Variants in DSC3 observed in about 807,000 individuals in gnomAD.
DSC3 encodes desmocollin 3.
Under a neutral mutation model 89.5 loss-of-function variants are expected in DSC3, and 97 were observed. The ratio of observed to expected loss-of-function variants is 1.08; its 90% CI spans 0.92 to 1.28. The LOEUF (loss-of-function observed/expected upper bound fraction) is 1.28, where lower values mean the gene tolerates loss of function less well. Among genes scored for constraint, DSC3 ranks in the 50% most tolerant of loss-of-function variants. The probability of loss-of-function intolerance (pLI) is 0.00; values close to 1 mark genes in which losing one functional copy is unlikely to be tolerated. For missense variants in DSC3, 1,199 were observed against 1,085.3 expected (o/e 1.10, Z -1.47); for synonymous variants, 436 against 384.1 (o/e 1.14, Z -1.58).
intron 15 of DSC3, among the ~76,000 whole-genome samples, chr18:30,995,945 C>G (rs1221579746): frequency 7.7e-6 from 1 of 130,492 alleles, no homozygotes; most frequent in Non-Finnish European, 1.5e-5. Context: ...GAACTCCAGC[C>G]TCAGCGACAG....
intron 4 of DSC3, among the ~76,000 whole-genome samples, chr18:31,027,305 G>A (rs538326219): frequency 6.6e-4 from 100 of 152,180 alleles, no homozygotes; most frequent in Middle Eastern, 3.4e-3. Context: ...GAACAAGATT[G>A]GAATGCCAAA....
At chr18:31,003,990 T>G in intron 13 of DSC3, 152 bp downstream of exon 13, 1 of 620,044 alleles carries the variant, frequency 1.6e-6, no homozygotes, top group Non-Finnish European at 2.8e-6. Context: ...TCACAGAAAA[T>G]ATTCAAACAC....
chr18:30,998,030 T>C (rs1346311244), intron 14 of DSC3, among the ~76,000 whole-genome samples: 1 of 152,202 alleles, frequency 6.6e-6, no homozygotes, highest in Non-Finnish European at 1.5e-5. Context: ...AAAAATAGAC[T>C]TTATTATGAA....
Position 31,041,549 on chromosome 18 carries a change from C to G in DSC3, c.69+1043G>C, listed in dbSNP as rs1468725630. 2.0e-5 allele frequency among the ~76,000 whole-genome samples: 3 copies of G among 152,296 alleles called. No individual in the cohort carries two copies. The South Asian group carries it at 6.2e-4, about 32-fold the overall frequency. ...CGCGAGACCAGACTCGGCTCACTGC[C>G]GACGCGGGTATAGACCTCGCTCCCA... On this transcript the variant is annotated intron_variant, in intron 1 of 15. Coordinates refer to ENST00000360428, the MANE Select transcript of DSC3 (RefSeq NM_001941.5).
intron 4 of DSC3, 94 bp downstream of exon 4, chr18:31,029,415 C>G (rs1985704965): frequency 6.7e-7 from 1 of 1,485,428 alleles, no homozygotes; most frequent in Non-Finnish European, 9.3e-7. Flanking sequence ...TTAATCAGAT[C>G]TGTTTATTTT....
intron 9 of DSC3, among the ~76,000 whole-genome samples, chr18:31,014,443 G>T (rs138792583): frequency 2.0e-5 from 3 of 151,886 alleles, no homozygotes; most frequent in Admixed American, 6.6e-5. Context: ...AAAGTGAGAC[G>T]TTTTACACCA....
At chr18:31,022,277 A>C in intron 7 of DSC3, 59 bp downstream of exon 7, 1 of 1,598,078 alleles carries the variant, frequency 6.3e-7, no homozygotes, top group Non-Finnish European at 8.6e-7. Context: ...AGTTATAATA[A>C]ATGGGGGAGG....
At position 31,038,395 on chromosome 18, in the gene DSC3, G is replaced by C. The variant is rs1324924330; in HGVS notation, c.69+4197C>G. ...TATTTAATGGTTACAGGTCTATTTA[G>C]ATTTTGTATACCTCCTCAAGTCAAT... On this transcript the variant is annotated intron_variant, in intron 1 of 15. Coordinates refer to ENST00000360428, the MANE Select transcript of DSC3 (RefSeq NM_001941.5). Among the ~76,000 whole-genome samples the C allele has an allele frequency of 2.0e-5, 3 of 152,246 alleles. No homozygotes were observed. The East Asian group carries it at 5.8e-4, about 29-fold the overall frequency.
chr18:30,994,839 A>G (rs1440572925), intron 15 of DSC3, among the ~76,000 whole-genome samples: 1 of 152,224 alleles, frequency 6.6e-6, no homozygotes, highest in Non-Finnish European at 1.5e-5. Flanking sequence ...AGATTATTTT[A>G]GAAATTAATG....
chr18:31,022,004 G>A (rs1275814331), intron 7 of DSC3, among the ~76,000 whole-genome samples: 6 of 151,916 alleles, frequency 3.9e-5, no homozygotes, highest in Non-Finnish European at 8.8e-5. Flanking sequence ...CACACTCATA[G>A]AACAAGCAAA....
intron 1 of DSC3, among the ~76,000 whole-genome samples, chr18:31,033,622 A>C (rs1008009173): frequency 2.0e-5 from 3 of 152,276 alleles, no homozygotes; most frequent in Non-Finnish European, 2.9e-5. Context: ...ACATAAATGT[A>C]AGAAATAAAT....
chr18:31,002,785 G>T (rs1984710364), intron 13 of DSC3, among the ~76,000 whole-genome samples: 2 of 151,828 alleles, frequency 1.3e-5, no homozygotes, highest in East Asian at 1.9e-4. Flanking sequence ...TGTTCTATTG[G>T]AACACAGTAA....
intron 1 of DSC3, among the ~76,000 whole-genome samples, chr18:31,041,872 C>G (rs970232376): frequency 1.3e-5 from 2 of 152,070 alleles, no homozygotes; most frequent in East Asian, 3.9e-4. Flanking sequence ...CATCATCCCC[C>G]ACCACTGTCA....
chr18:31,000,469 G>A (rs1368804142), intron 14 of DSC3, among the ~76,000 whole-genome samples: 1 of 152,088 alleles, frequency 6.6e-6, no homozygotes, highest in Non-Finnish European at 1.5e-5. Context: ...CTCTCCTGTA[G>A]AAAAGCCTTG....
In DSC3 at chr18:30,991,394, T is replaced by C. The variant is rs1984237051; in HGVS notation, c.*2781A>G. ...CCTTACACATATAAGGAAATAATAA[T>C]ACTACATATGTGAAAATATAGAAAT... On this transcript the variant is annotated 3_prime_UTR_variant, in exon 16 of 16. Coordinates refer to ENST00000360428, the MANE Select transcript of DSC3 (RefSeq NM_001941.5). The C allele has an allele frequency of 6.5e-6, 1 of 152,730 alleles. No individual in the cohort carries two copies. The highest frequency in any genetic ancestry group is 2.1e-4 in the South Asian group (1 of 4,834). 9.5% of individuals were successfully genotyped at this position (152,730 alleles called of 1,614,324 possible).
At chr18:31,005,672 G>A (rs7227115) in intron 12 of DSC3, among the ~76,000 whole-genome samples, 18,980 of 152,222 alleles carry the variant, frequency 0.12, 1,415 homozygotes, top group African/African-American at 0.21. Context: ...GAAGCAGTTA[G>A]TATCTACTAA....
intron 14 of DSC3, among the ~76,000 whole-genome samples, chr18:30,998,063 T>C (rs1984536465): frequency 6.6e-6 from 1 of 152,192 alleles, no homozygotes; most frequent in Non-Finnish European, 1.5e-5. Flanking sequence ...TGTGAAGAAT[T>C]TTAACTCATT....
intron 1 of DSC3, among the ~76,000 whole-genome samples, chr18:31,032,656 C>T (rs1985840440): frequency 6.6e-6 from 1 of 150,832 alleles, no homozygotes; most frequent in South Asian, 2.1e-4. Context: ...AGTGCAATGG[C>T]GTGATCTTGG....
At chr18:31,001,271 T>TC (rs1255444382) in intron 14 of DSC3, among the ~76,000 whole-genome samples, 1 of 151,576 alleles carries the variant, frequency 6.6e-6, no homozygotes, top group Non-Finnish European at 1.5e-5. Flanking sequence ...CAAGCTTTTT[T>TC]CCCCATTATA....
Sources: gnomAD v4.1 joint callset for allele counts (sites outside exome capture counted in the v4.1 genomes callset) on GRCh38, gnomAD v4.1.1 for gene constraint, MANE v1.5 for transcripts, NCBI Gene and HGNC (gene_info 2026-07-23, HGNC 2026-07-21) for gene names.